The following HKDC1 variants were observed in gnomAD, a reference collection of about 807,000 sequenced individuals.
HKDC1 encodes the protein hexokinase HKDC1.
Under a neutral mutation model 96.6 loss-of-function variants are expected in HKDC1, and 66 were observed. That is an observed-to-expected ratio of 0.68 (90% CI 0.56 to 0.84). HKDC1 has a LOEUF of 0.84. HKDC1 is among the 40% of genes least tolerant of loss of function. The probability of loss-of-function intolerance (pLI) is 0.00; values close to 1 mark genes in which losing one functional copy is unlikely to be tolerated. For missense variants in HKDC1, 1,211 were observed against 1,208.1 expected, an observed-to-expected ratio of 1.00 and a Z score of -0.04; for synonymous variants, 466 against 473.1, an observed-to-expected ratio of 0.98 and a Z score of 0.20.
rs368205391 is a variant in HKDC1 at position 69,253,198 on chromosome 10, C to G, written c.1836+2546C>G. 8.2e-4 allele frequency among the ~76,000 whole-genome samples: 125 copies of G among 152,206 alleles called. 3 individuals are homozygous for G. The South Asian group carries it at 0.025, about 30-fold the overall frequency. ...TGGGGACTAGACACTGGGCTAAGCT[C>G]TTAGACTCCCCAGAGCTCCAGTGGG... On this transcript the variant is annotated intron_variant, in intron 12 of 17. Coordinates refer to ENST00000354624, the MANE Select transcript of HKDC1 (RefSeq NM_025130.4).
Position 69,227,424 on chromosome 10 carries a change from C to T in HKDC1, c.226+55C>T, listed in dbSNP as rs1349782570. The T allele has an allele frequency of 5.0e-6, 8 of 1,596,104 alleles. No individual in the cohort carries two copies. The East Asian group carries it at 1.1e-4, about 22-fold the overall frequency. ...CTGGCTCCTCTTGGCTGATGGGTGTCTAAAGTACCTAAGGTTTGCCCCTGT... is the reference window on the plus strand; with the variant it reads ...CTGGCTCCTCTTGGCTGATGGGTGTTTAAAGTACCTAAGGTTTGCCCCTGT... On this transcript the variant is annotated intron_variant, in intron 2 of 17. Coordinates refer to ENST00000354624, the MANE Select transcript of HKDC1 (RefSeq NM_025130.4).
intron 4 of HKDC1, among the ~76,000 whole-genome samples, chr10:69,233,999 G>C (rs891388612): frequency 6.6e-6 from 1 of 152,098 alleles, no homozygotes; most frequent in Admixed American, 6.6e-5. Context: ...AGCTAGGCCG[G>C]GGTTCCTGGT....
chr10:69,245,448 A>T (rs1843524272), intron 7 of HKDC1, among the ~76,000 whole-genome samples: 1 of 149,378 alleles, frequency 6.7e-6, no homozygotes, highest in African/African-American at 2.5e-5. Context: ...GCCAGGTGTG[A>T]TGATGCACCC....
rs151201238 is a variant in HKDC1 at position 69,258,681 on chromosome 10, A to G, written c.2033-95A>G. The G allele has an allele frequency of 3.8e-4, 479 of 1,270,742 alleles. 2 individuals carry two copies. The African/African-American group carries it at 6.2e-3, about 17-fold the overall frequency. The allele number at this position is 1,270,742 out of a possible 1,614,324, so 78.7% of individuals were successfully genotyped here. Reference sequence around the variant, plus strand: ...CTGGAATCGCATCCAGTTGTATCTGACTCCAAGCTTAAATTCTTATTTGCT... The same window carrying G: ...CTGGAATCGCATCCAGTTGTATCTGGCTCCAAGCTTAAATTCTTATTTGCT... On this transcript the variant is annotated intron_variant, in intron 14 of 17. Coordinates refer to ENST00000354624, the MANE Select transcript of HKDC1 (RefSeq NM_025130.4).
intron 16 of HKDC1, chr10:69,265,238 G>A (rs1843876163): frequency 8.0e-6 from 2 of 251,374 alleles, no homozygotes; most frequent in African/African-American, 2.3e-5. Flanking sequence ...TCTCTAACGA[G>A]AGGGCACAGC....
At chr10:69,250,880 C>A (rs531525985) in intron 12 of HKDC1, among the ~76,000 whole-genome samples, 2 of 152,184 alleles carry the variant, frequency 1.3e-5, no homozygotes, top group South Asian at 2.1e-4. Context: ...AATAAAGGGA[C>A]ATGTGCATAA....
chr10:69,233,090 G>A lies in HKDC1; in HGVS notation c.452G>A (p.Gly151Asp), dbSNP rs1485429294. The A allele has an allele frequency of 1.9e-6, 3 of 1,614,152 alleles. No individual in the cohort carries two copies. Among genetic ancestry groups the A allele is most frequent in the South Asian group, 1.1e-5 (1 of 91,086 alleles). Residue 151 changes from glycine to aspartate, a missense_variant, in exon 4 of 18, where the codon GGC becomes GAC. Transcript: ENST00000354624. ...KDLKHKKLPLGLTFSFPCRQT... is the reference protein window; with the variant it reads ...KDLKHKKLPLDLTFSFPCRQT... Reference sequence around the variant, plus strand: ...TTAAAGCATAAGAAATTGCCCCTTGGCCTAACTTTTTCTTTCCCCTGTCGA... The same window carrying A: ...TTAAAGCATAAGAAATTGCCCCTTGACCTAACTTTTTCTTTCCCCTGTCGA...
Position 69,258,921 on chromosome 10 carries a change from G to T in HKDC1, c.2178G>T (p.Thr726=), listed in dbSNP as rs367554536. The change falls in exon 15 of 18, where the codon ACG becomes ACT. Residue 726 remains threonine (T), a synonymous_variant. Coordinates refer to ENST00000354624, the MANE Select transcript of HKDC1 (RefSeq NM_025130.4). The part of the protein sequence containing the change: ...CIDDIWTRYD[T]EVDEGSLNPG... ...ATGACATCTGGACCCGATACGACAC[G>T]GAGGTGGATGAGGGGTCCTTGAATC... 3 of 1,599,256 alleles carry T rather than the reference G, an allele frequency of 1.9e-6. No individual in the cohort carries two copies. The highest frequency in any genetic ancestry group is 2.6e-6 in the Non-Finnish European group (3 of 1,173,130).
chr10:69,243,225 T>C lies in HKDC1; in HGVS notation c.735T>C (p.Ile245=), dbSNP rs151146517. ...NACYMEDMSN[I]DLVEGDEGRM... is the part of the protein sequence containing the mutation. The stretch of plus-strand genomic sequence containing the variant: ...GTTACATGGAGGACATGAGCAACAT[T>C]GACCTGGTGGAGGGCGACGAGGGCA... Residue 245 remains isoleucine, a synonymous_variant, in exon 7 of 18, where the codon ATT becomes ATC. Coordinates refer to ENST00000354624, the MANE Select transcript of HKDC1 (RefSeq NM_025130.4). 49 of 1,614,162 alleles carry C rather than the reference T, an allele frequency of 3.0e-5. No homozygotes were observed. The highest frequency in any genetic ancestry group is 2.0e-4 in the Admixed American group (12 of 60,024).
In HKDC1 at chr10:69,224,590, A is replaced by G. The variant is rs1374405132; in HGVS notation, c.64-2617A>G. Among the ~76,000 whole-genome samples the G allele has an allele frequency of 2.0e-5, 3 of 152,102 alleles. No individual in the cohort carries two copies. In the East Asian group the frequency reaches 5.8e-4, roughly 29 times the overall value. On this transcript the variant is annotated intron_variant, in intron 1 of 17. Coordinates refer to ENST00000354624, the MANE Select transcript of HKDC1 (RefSeq NM_025130.4). ...GAGCCACTGCGCCCGGCCTTGGTAG[A>G]GATTTATGGTTCTCCATAGTCAGGA...
intron 12 of HKDC1, among the ~76,000 whole-genome samples, chr10:69,252,268 T>A (rs1166175117): frequency 6.6e-6 from 1 of 151,924 alleles, no homozygotes; most frequent in Non-Finnish European, 1.5e-5. Context: ...TCCTAGCACT[T>A]TGGGAGGTCG....
chr10:69,252,213 T>TA (rs75390695), intron 12 of HKDC1, among the ~76,000 whole-genome samples: 52,810 of 151,856 alleles, frequency 0.35, 9,794 homozygotes, highest in East Asian at 0.67. Context: ...AATTCTAGGG[T>TA]AAAAACACCC....
chr10:69,254,226 A>T (rs528464082), intron 12 of HKDC1, among the ~76,000 whole-genome samples: 1 of 152,202 alleles, frequency 6.6e-6, no homozygotes, highest in South Asian at 2.1e-4. Flanking sequence ...AATCGCTAGA[A>T]CTCAGGAGGT....
chr10:69,232,816 G>T lies in HKDC1; in HGVS notation c.279G>T (p.Leu93=). Residue 93 remains leucine (L), a synonymous_variant, in exon 3 of 18, where the codon CTG becomes CTT. Transcript: ENST00000354624. ...LDLGGSKFRV[L]KVQVAEEGKR... ...TCGGAGGGTCCAAGTTCCGAGTGCT[G>T]AAGGTGCAAGTCGCTGAAGAGGGGA... The T allele has an allele frequency of 4.3e-6, 7 of 1,614,202 alleles. No individual in the cohort carries two copies. Among genetic ancestry groups the T allele is most frequent in the Middle Eastern group, 1.6e-4 (1 of 6,062 alleles).
At chr10:69,265,380 T>C (rs1843878813) in intron 16 of HKDC1, 1 of 587,292 alleles carries the variant, frequency 1.7e-6, no homozygotes, top group South Asian at 2.2e-5. Context: ...CACACTTTAT[T>C]TTTTAAAGTT....
intron 12 of HKDC1, among the ~76,000 whole-genome samples, chr10:69,255,190 G>A (rs1010037976): frequency 6.6e-6 from 1 of 152,216 alleles, no homozygotes; most frequent in Non-Finnish European, 1.5e-5. Flanking sequence ...GGGGAGACCC[G>A]TGGGCAGCTA....
chr10:69,248,923 C>T, intron 10 of HKDC1, 195 bp downstream of exon 10: 1 of 578,434 alleles, frequency 1.7e-6, no homozygotes, highest in Non-Finnish European at 3.0e-6. Context: ...AAAAACAAAA[C>T]AAATAAACAA....
In HKDC1 at chr10:69,242,428, A is replaced by AG. The variant is rs1491190981; in HGVS notation, c.692-753dup. 1.5e-3 allele frequency among the ~76,000 whole-genome samples: 208 copies of AG among 135,798 alleles called. 1 individual carries two copies. The highest frequency in any genetic ancestry group is 5.5e-3 in the African/African-American group (197 of 35,790). 89.1% of individuals were successfully genotyped at this position (135,798 alleles called of 152,430 possible). ...AGTATCAGCCAAGGGAAGATACTGAAGAAAAAAAAAAAAAAAAAAAAACCC... is the reference window on the plus strand; with the variant it reads ...AGTATCAGCCAAGGGAAGATACTGAAGGAAAAAAAAAAAAAAAAAAAAACCC... On this transcript the variant is annotated intron_variant, in intron 6 of 17. Coordinates refer to ENST00000354624, the MANE Select transcript of HKDC1 (RefSeq NM_025130.4).
intron 9 of HKDC1, 96 bp from the exon 10 acceptor site, chr10:69,248,328 A>T: frequency 7.8e-7 from 1 of 1,287,636 alleles, no homozygotes; most frequent in Non-Finnish European, 1.1e-6. Context: ...CCCGCCCCGC[A>T]GGGCCCTCCG....
Sources: gnomAD v4.1 joint callset for allele counts (sites outside exome capture counted in the v4.1 genomes callset) on GRCh38, gnomAD v4.1.1 for gene constraint, MANE v1.5 for transcripts, NCBI Gene and HGNC (gene_info 2026-07-23, HGNC 2026-07-21) for gene names.